PROX1: variants seen among roughly 807,000 people sequenced by gnomAD.
The protein encoded by PROX1 is prospero homeobox protein 1.
In PROX1, 7 loss-of-function variants were observed where a neutral mutation model predicts 58.8. The observed-to-expected ratio is 0.12, with a 90% CI of 0.07 to 0.22. The LOEUF (loss-of-function observed/expected upper bound fraction) is 0.22, where lower values mean the gene tolerates loss of function less well. Among genes scored for constraint, PROX1 ranks in the 10% least tolerant of loss-of-function variants. The pLI, the probability that PROX1 is intolerant of heterozygous loss-of-function variation, is 1.00. For synonymous variants in PROX1, 350 were observed against 358.3 expected, an observed-to-expected ratio of 0.98 and a Z score of 0.26; for missense variants, 675 against 927.8, an observed-to-expected ratio of 0.73 and a Z score of 3.54.
chr1:213,997,260 A>G lies in PROX1; in HGVS notation c.725A>G (p.Gln242Arg). 1.2e-6 allele frequency: 2 copies of G among 1,613,600 alleles called. No individual in the cohort carries two copies. Among genetic ancestry groups the G allele is most frequent in the Non-Finnish European group, 1.7e-6 (2 of 1,179,790 alleles). ...GAGGAGCGCCGACAGCTGAAACAGC[A>G]GCTGGAGGACATGCAGAAACAGCTG... ...KREERRQLKQ[Q>R]LEDMQKQLRQ... is the part of the protein sequence containing the mutation. Residue 242 changes from glutamine (Q) to arginine (R), a missense_variant, in exon 2 of 5, where the codon CAG becomes CGG. Coordinates refer to ENST00000366958, the MANE Select transcript of PROX1 (RefSeq NM_001270616.2). The surrounding 1 kb of genome is among the most constrained non-coding windows in gnomAD (Gnocchi z 7.1).
chr1:214,032,391 ACTT>A (rs1664686822), intron 4 of PROX1, among the ~76,000 whole-genome samples: 1 of 150,530 alleles, frequency 6.6e-6, no homozygotes, highest in African/African-American at 2.4e-5. Flanking sequence ...ATTATTTTAA[ACTT>A]CTTTTTTTTT....
chr1:213,983,421 C>T, upstream of PROX1: 1 of 152,530 alleles, frequency 6.6e-6, no homozygotes, highest in Non-Finnish European at 1.5e-5. Context: ...TCCCTGCGAG[C>T]GGGATCGAGC....
chr1:214,011,385 A>T (rs1663904415), intron 3 of PROX1, 136 bp from the exon 4 acceptor site: 5 of 721,806 alleles, frequency 6.9e-6, no homozygotes, highest in Non-Finnish European at 8.7e-6. Context: ...CTCTCTTGCC[A>T]CCATTTTGGT....
intron 2 of PROX1, among the ~76,000 whole-genome samples, chr1:214,002,575 C>T (rs539532448): frequency 9.9e-5 from 15 of 152,022 alleles, no homozygotes; most frequent in Non-Finnish European, 5.9e-5. Flanking sequence ...GTTTGCGTTC[C>T]ATCCCCCCTC....
At chr1:214,015,795 T>C (rs746286952) in intron 4 of PROX1, among the ~76,000 whole-genome samples, 12 of 152,322 alleles carry the variant, frequency 7.9e-5, no homozygotes, top group African/African-American at 1.2e-4. Context: ...TCCAGTCACA[T>C]TGAGCTCTCT....
At position 214,036,036 on chromosome 1, in the gene PROX1, G is replaced by A; in HGVS notation, c.*202G>A. ...GCAAGGGGATGGTTGTTTTCTTTCT[G>A]CCTTTAGTTTGCTTTTGCCCAAGGC... On this transcript the variant is annotated 3_prime_UTR_variant, in exon 5 of 5. Transcript: ENST00000366958. 2 of 446,642 alleles carry A rather than the reference G, an allele frequency of 4.5e-6. No individual in the cohort carries two copies. Among genetic ancestry groups the A allele is most frequent in the Admixed American group, 8.5e-5 (2 of 23,480 alleles). 27.7% of individuals were successfully genotyped at this position (446,642 alleles called of 1,614,324 possible).
intron 2 of PROX1, among the ~76,000 whole-genome samples, chr1:214,001,046 C>T (rs528035360): frequency 6.6e-6 from 1 of 152,246 alleles, no homozygotes; most frequent in Non-Finnish European, 1.5e-5. Context: ...TCGTTCATGG[C>T]TTTCCAAACT....
At chr1:213,990,767 T>C (rs1663006899) in intron 1 of PROX1, among the ~76,000 whole-genome samples, 1 of 151,516 alleles carries the variant, frequency 6.6e-6, no homozygotes, top group Non-Finnish European at 1.5e-5. Flanking sequence ...AATTCCAAAG[T>C]CAGTTTGAAA....
upstream of PROX1, chr1:213,985,979 A>G (rs1662813933): frequency 6.6e-6 from 1 of 152,242 alleles, no homozygotes; most frequent in African/African-American, 2.4e-5. Context: ...CAAGATTCTT[A>G]AAGAAAACTA....
chr1:213,998,353 G>A (rs1571805180), intron 2 of PROX1, 93 bp downstream of exon 2: 1 of 1,364,266 alleles, frequency 7.3e-7, no homozygotes. Flanking sequence ...ATGTAGATTA[G>A]TATCTTCTTA....
intron 2 of PROX1, among the ~76,000 whole-genome samples, chr1:214,004,219 T>G (rs1052836733): frequency 2.0e-5 from 3 of 152,312 alleles, no homozygotes; most frequent in East Asian, 3.9e-4. Context: ...CCATCCCAGC[T>G]CTGAGTCTGC....
At chr1:214,017,353 G>C (rs1329070545) in intron 4 of PROX1, among the ~76,000 whole-genome samples, 1 of 152,094 alleles carries the variant, frequency 6.6e-6, no homozygotes, top group Non-Finnish European at 1.5e-5. Flanking sequence ...GGCACAGAGA[G>C]GCCCTTTGAC....
At chr1:214,019,418 C>G (rs1380960115) in intron 4 of PROX1, among the ~76,000 whole-genome samples, 1 of 152,196 alleles carries the variant, frequency 6.6e-6, no homozygotes, top group East Asian at 1.9e-4. Context: ...GCCTCTTTTC[C>G]TTTTGCCCCT....
chr1:214,011,389 T>G, intron 3 of PROX1, 132 bp from the exon 4 acceptor site: 1 of 747,342 alleles, frequency 1.3e-6, no homozygotes, highest in Non-Finnish European at 2.1e-6. Flanking sequence ...CTTGCCACCA[T>G]TTTGGTGGAG....
intron 4 of PROX1, among the ~76,000 whole-genome samples, chr1:214,018,517 G>A (rs1664172061): frequency 6.6e-6 from 1 of 152,182 alleles, no homozygotes; most frequent in African/African-American, 2.4e-5. Flanking sequence ...ATGCAGTGTG[G>A]AGAGAGCTAT....
chr1:214,017,442 A>T (rs1180408680), intron 4 of PROX1, among the ~76,000 whole-genome samples: 1 of 152,116 alleles, frequency 6.6e-6, no homozygotes, highest in African/African-American at 2.4e-5. Flanking sequence ...TAGGAGAAAA[A>T]GTCTCAACTC....
chr1:214,037,431 G>C lies in PROX1; in HGVS notation c.*1597G>C, dbSNP rs1664863275. The stretch of plus-strand genomic sequence containing the variant: ...TTAATAAGAATTACATTTGACTTTG[G>C]AGAATACAGGTCTTGACCCATGTGA... On this transcript the variant is annotated 3_prime_UTR_variant, in exon 5 of 5. Transcript: ENST00000366958. 1 of 152,108 alleles carries C rather than the reference G, an allele frequency of 6.6e-6. No individual in the cohort carries two copies. The highest frequency in any genetic ancestry group is 2.4e-5 in the African/African-American group (1 of 41,410). 9.4% of individuals were successfully genotyped at this position (152,108 alleles called of 1,614,324 possible).
intron 3 of PROX1, 96 bp downstream of exon 3, chr1:214,005,368 T>TAAGGAAAAGCAATTCTG: frequency 1.1e-6 from 1 of 925,094 alleles, no homozygotes; most frequent in Non-Finnish European, 1.7e-6. Context: ...TGGAATTGGT[T>TAAGGAAAAGCAATTCTG]TATTCCTACA....
upstream of PROX1, chr1:213,985,313 T>G (rs1029115352): frequency 1.3e-5 from 2 of 152,170 alleles, no homozygotes; most frequent in Non-Finnish European, 2.9e-5. Flanking sequence ...TCAAGTCTTG[T>G]CCAGGGCAGC....
Sources: allele counts gnomAD v4.1 joint callset (sites outside exome capture counted in the v4.1 genomes callset), GRCh38; gene constraint gnomAD v4.1.1; non-coding constraint Gnocchi (gnomAD v3.1); transcripts MANE v1.5; gene names NCBI Gene and HGNC (gene_info 2026-07-23, HGNC 2026-07-21).